SPATS2: variants seen among roughly 807,000 people sequenced by gnomAD.
The protein encoded by SPATS2 is spermatogenesis associated serine rich 2, also known as spermatogenesis-associated serine-rich protein 2.
A neutral mutation model predicts 63.7 loss-of-function variants in SPATS2; 38 were observed. The ratio of observed to expected loss-of-function variants is 0.60; its 90% confidence interval spans 0.46 to 0.78. The LOEUF (loss-of-function observed/expected upper bound fraction) is 0.78, where lower values mean the gene tolerates loss of function less well. SPATS2 is among the 30% of genes least tolerant of loss of function. SPATS2 has a pLI of 0.00. For synonymous variants in SPATS2, 207 were observed against 232.9 expected, an observed-to-expected ratio of 0.89 and a Z score of 1.01; for missense variants, 588 against 666.2, an observed-to-expected ratio of 0.88 and a Z score of 1.29.
At chr12:49,436,302 C>G (rs530123322) in intron 2 of SPATS2, among the ~76,000 whole-genome samples, 5 of 124,286 alleles carry the variant, frequency 4.0e-5, no homozygotes, top group African/African-American at 1.6e-4. Context: ...CCGGATGGGG[C>G]GGCTGGCCGG....
rs1394744809 is a variant in SPATS2 at position 49,524,705 on chromosome 12, T to C, written c.1135T>C (p.Ser379Pro). ...AGTGTCTCATCCAAAGAACAGCTAT[T>C]CGACCAGATCCCGATGTAGCTCAGT... ...GQVSHPKNSY[S>P]TRSRCSSVTS... The change falls in exon 13 of 14, where the codon TCG becomes CCG. Residue 379 changes from serine to proline, a missense_variant. By Grantham distance (74) the Ser-to-Pro change is moderately conservative. Transcript: ENST00000552918. 6.2e-7 allele frequency: 1 copy of C among 1,614,126 alleles called. No individual in the cohort carries two copies. The highest frequency in any genetic ancestry group is 2.2e-5 in the East Asian group (1 of 44,904).
intron 2 of SPATS2, chr12:49,387,161 A>G (rs1209472272): frequency 6.6e-6 from 1 of 152,262 alleles, no homozygotes; most frequent in Non-Finnish European, 1.5e-5. Flanking sequence ...AACTTACACC[A>G]CTTTAGGGCC....
At chr12:49,468,781 AT>A (rs1189353030) in intron 3 of SPATS2, among the ~76,000 whole-genome samples, 2 of 151,890 alleles carry the variant, frequency 1.3e-5, no homozygotes, top group Admixed American at 1.3e-4. Context: ...TGGGCCTAGA[AT>A]TTTTTTTCTT....
chr12:49,456,500 T>G (rs1945721743), intron 2 of SPATS2, among the ~76,000 whole-genome samples: 1 of 152,222 alleles, frequency 6.6e-6, no homozygotes, highest in African/African-American at 2.4e-5. Flanking sequence ...GCTTTTATTT[T>G]GAATGAAATG....
At chr12:49,465,968 T>C (rs909973089) in intron 3 of SPATS2, among the ~76,000 whole-genome samples, 1 of 152,006 alleles carries the variant, frequency 6.6e-6, no homozygotes, top group African/African-American at 2.4e-5. Context: ...AATGGTGTCT[T>C]TTAAAAAGTA....
chr12:49,457,378 C>T (rs1945737534), intron 2 of SPATS2, among the ~76,000 whole-genome samples: 1 of 151,976 alleles, frequency 6.6e-6, no homozygotes, highest in Non-Finnish European at 1.5e-5. Context: ...TTCTTTGGGA[C>T]CTATCTGACC....
chr12:49,462,501 C>T (rs763285155), intron 3 of SPATS2: 140 of 697,688 alleles, frequency 2.0e-4, no homozygotes, highest in Non-Finnish European at 8.9e-5. Flanking sequence ...CCTTTCCCCC[C>T]GTGTGTGGGG....
chr12:49,454,783 G>A (rs865917490), intron 2 of SPATS2, among the ~76,000 whole-genome samples: 103 of 152,062 alleles, frequency 6.8e-4, no homozygotes, highest in African/African-American at 2.3e-3. Context: ...AGGAGGCTGA[G>A]GTGGGAGGAT....
chr12:49,433,224 G>T (rs775680951), intron 2 of SPATS2, among the ~76,000 whole-genome samples: 20 of 152,130 alleles, frequency 1.3e-4, no homozygotes, highest in Non-Finnish European at 2.2e-4. Flanking sequence ...GTGCAGTTGC[G>T]TGATCTCAGC....
chr12:49,419,923 G>T (rs1944950696), intron 2 of SPATS2, among the ~76,000 whole-genome samples: 1 of 152,200 alleles, frequency 6.6e-6, no homozygotes, highest in African/African-American at 2.4e-5. Flanking sequence ...GTAGTTCAGA[G>T]AAAAGATTCA....
At chr12:49,395,481 G>GT (rs1345393120) in intron 2 of SPATS2, among the ~76,000 whole-genome samples, 1 of 150,850 alleles carries the variant, frequency 6.6e-6, no homozygotes, top group Non-Finnish European at 1.5e-5. Flanking sequence ...ATGGAATGCA[G>GT]TGTCATGATC....
intron 2 of SPATS2, among the ~76,000 whole-genome samples, chr12:49,399,987 G>A (rs1039976409): frequency 2.0e-5 from 3 of 152,140 alleles, no homozygotes; most frequent in Non-Finnish European, 2.9e-5. Context: ...AGTGAGCAGC[G>A]ATCACGCCAC....
intron 8 of SPATS2, among the ~76,000 whole-genome samples, chr12:49,498,790 A>ATTTTT (rs147335434): frequency 3.3e-4 from 31 of 95,056 alleles, no homozygotes; most frequent in African/African-American, 1.0e-3. Context: ...TATGGTATCT[A>ATTTTT]TTTTTTTTTT....
intron 2 of SPATS2, among the ~76,000 whole-genome samples, chr12:49,400,653 C>A (rs576018933): frequency 3.9e-5 from 6 of 152,014 alleles, no homozygotes. Context: ...TTCTCTTTCA[C>A]TGAGGAAGTG....
chr12:49,486,834 G>C (rs1267522267), intron 4 of SPATS2, among the ~76,000 whole-genome samples: 1 of 151,792 alleles, frequency 6.6e-6, no homozygotes, highest in Non-Finnish European at 1.5e-5. Context: ...AGCTAGGTGT[G>C]CTTATTGCTA....
intron 2 of SPATS2, among the ~76,000 whole-genome samples, chr12:49,457,298 A>T (rs773253369): frequency 2.0e-5 from 3 of 151,818 alleles, no homozygotes; most frequent in Non-Finnish European, 4.4e-5. Flanking sequence ...TATCTTCTTC[A>T]TGTTATATGT....
chr12:49,514,425 C>A, intron 9 of SPATS2, 130 bp from the exon 10 acceptor site: 1 of 707,294 alleles, frequency 1.4e-6, no homozygotes, highest in South Asian at 2.0e-5. Context: ...TGTATGTGAT[C>A]CATACAATAT....
chr12:49,480,581 A>T (rs1014398785), intron 3 of SPATS2, among the ~76,000 whole-genome samples: 3 of 152,222 alleles, frequency 2.0e-5, no homozygotes, highest in Admixed American at 6.5e-5. Flanking sequence ...CTACAGCAGT[A>T]CATGGATGTA....
intron 4 of SPATS2, chr12:49,486,161 G>C: frequency 2.2e-6 from 1 of 444,548 alleles, no homozygotes; most frequent in South Asian, 1.6e-5. Flanking sequence ...TACCTTTATC[G>C]TAGAGTCTGT....
Sources: allele counts gnomAD v4.1 joint callset (sites outside exome capture counted in the v4.1 genomes callset), GRCh38; gene constraint gnomAD v4.1.1; transcripts MANE v1.5; gene names NCBI Gene and HGNC (gene_info 2026-07-23, HGNC 2026-07-21).